ASPH: variants seen among roughly 807,000 people sequenced by gnomAD.
The protein encoded by ASPH is aspartyl/asparaginyl beta-hydroxylase.
Under a neutral mutation model 118.4 loss-of-function variants are expected in ASPH, and 100 were observed. That is an observed-to-expected ratio of 0.84 (90% CI 0.72 to 1.00). The LOEUF is 1.00. ASPH is among the 50% of genes least tolerant of loss of function. The probability of loss-of-function intolerance (pLI) is 0.00; values close to 1 mark genes in which losing one functional copy is unlikely to be tolerated. For synonymous variants in ASPH, 315 were observed against 325.6 expected (o/e 0.97, Z 0.35); for missense variants, 920 against 919.5 (o/e 1.00, Z -0.01).
intron 24 of ASPH, among the ~76,000 whole-genome samples, chr8:61,513,138 C>T (rs960265988): frequency 6.6e-6 from 1 of 152,210 alleles, no homozygotes; most frequent in African/African-American, 2.4e-5. Context: ...GTACAAATTG[C>T]TACAGATAAC....
intron 4 of ASPH, among the ~76,000 whole-genome samples, chr8:61,652,172 G>A (rs144961807): frequency 3.0e-4 from 45 of 152,050 alleles, no homozygotes; most frequent in Admixed American, 6.6e-4. Flanking sequence ...TCTGCCAATC[G>A]CCATCCTCTC....
chr8:61,572,416 T>A (rs1040201686), intron 16 of ASPH, among the ~76,000 whole-genome samples: 1 of 152,210 alleles, frequency 6.6e-6, no homozygotes, highest in Non-Finnish European at 1.5e-5. Flanking sequence ...ACTTGACATG[T>A]CCACCTGAAT....
At position 61,526,095 on chromosome 8, in the gene ASPH, C is replaced by T. The variant is rs749202132; in HGVS notation, c.1782G>A (p.Trp594Ter). The T allele has an allele frequency of 6.2e-7, 1 of 1,613,960 alleles. No homozygotes were observed. The highest frequency in any genetic ancestry group is 8.5e-7 in the Non-Finnish European group (1 of 1,179,884). ...CAAGGCCTTCATCTCGGATTAACTT[C>T]CAGTTTCTTTCTAAAGACTAGAGGG... The part of the protein sequence containing the change: ...TELVKSLERN[W>*]KLIRDEGLAV... Residue 594 changes from tryptophan to a stop codon, truncating the protein, a stop_gained, in exon 22 of 25, where the codon TGG (tryptophan) becomes TGA (stop). Transcript: ENST00000379454. LOFTEE classifies it high-confidence loss of function.
At chr8:61,506,259 G>A (rs1806502100) in intron 24 of ASPH, among the ~76,000 whole-genome samples, 1 of 152,186 alleles carries the variant, frequency 6.6e-6, no homozygotes, top group South Asian at 2.1e-4. Context: ...ACACATCTGA[G>A]GTCCTAGACT....
At chr8:61,626,153 TTCCTTCCCAAAGATCTTGA>T in intron 13 of ASPH, 2 of 1,269,560 alleles carry the variant, frequency 1.6e-6, no homozygotes, top group Non-Finnish European at 2.0e-6. Flanking sequence ...ATCTTTAGTG[TTCCTTCCCAAAGATCTTGA>T]TCTGCTCAGT....
At chr8:61,706,483 GAAGAAAGAAGAAAA>G (rs1305962297) in intron 1 of ASPH, among the ~76,000 whole-genome samples, 3 of 136,172 alleles carry the variant, frequency 2.2e-5, no homozygotes, top group African/African-American at 9.8e-5. Flanking sequence ...GAAGAAGAAA[GAAGAAAGAAGAAAA>G]AAGAAAGAAG....
chr8:61,676,054 A>T lies in ASPH; in HGVS notation c.322+4914T>A, dbSNP rs1343300889. The T allele has an allele frequency of 1.9e-6, 3 of 1,597,782 alleles. No individual in the cohort carries two copies. In the Admixed American group the frequency reaches 5.0e-5, roughly 27 times the overall value. ...TGCTTCAGGTGTTCATTAGCCAATG[A>T]CTTCAGTCCCTGAATCAAGGTTACT... On this transcript the variant is annotated intron_variant, in intron 3 of 24. Transcript: ENST00000379454.
chr8:61,534,380 G>A (rs989038051), intron 21 of ASPH, among the ~76,000 whole-genome samples: 1 of 152,028 alleles, frequency 6.6e-6, no homozygotes, highest in Non-Finnish European at 1.5e-5. Context: ...AATCCTATTA[G>A]CCGGCAAAAC....
intron 12 of ASPH, among the ~76,000 whole-genome samples, chr8:61,635,940 G>A (rs1857535201): frequency 6.6e-6 from 1 of 152,090 alleles, no homozygotes. Flanking sequence ...ATCAGATTAT[G>A]CTATATCTTA....
chr8:61,550,524 G>T (rs1478108727), intron 20 of ASPH, among the ~76,000 whole-genome samples: 1 of 151,560 alleles, frequency 6.6e-6, no homozygotes, highest in African/African-American at 2.4e-5. Context: ...TATGTCAGAT[G>T]ACTGGATCCC....
chr8:61,599,227 A>G (rs1018030535), intron 14 of ASPH, among the ~76,000 whole-genome samples: 2 of 152,188 alleles, frequency 1.3e-5, no homozygotes, highest in Admixed American at 6.5e-5. Flanking sequence ...AGGACAAAAA[A>G]CCAAACAACA....
Position 61,714,112 on chromosome 8 carries a change from T to C in ASPH, c.103+157A>G, listed in dbSNP as rs549459645. Among the ~76,000 whole-genome samples, 459 of 152,176 alleles carry C rather than the reference T, an allele frequency of 3.0e-3. 2 individuals carry two copies. The highest frequency in any genetic ancestry group is 0.011 in the African/African-American group (441 of 41,532). On this transcript the variant is annotated intron_variant, in intron 1 of 24. Transcript: ENST00000379454. ...TCGCCCGCCCGCCAGGCCCGCCGAA[T>C]GCGGCCTCCGCCCCGCGCGCCTAAA...
At chr8:61,532,576 C>T (rs1817981062) in intron 21 of ASPH, among the ~76,000 whole-genome samples, 1 of 152,086 alleles carries the variant, frequency 6.6e-6, no homozygotes. Flanking sequence ...TCTGTGCTTT[C>T]CATGTCATAT....
At chr8:61,668,214 A>C in intron 3 of ASPH, 1 of 1,594,876 alleles carries the variant, frequency 6.3e-7, no homozygotes, top group South Asian at 1.1e-5. Flanking sequence ...CTCAAGGCTA[A>C]TTTGAAAAAA....
rs546525365 is a variant in ASPH, at chr8:61,500,653, A to T, written c.*2706T>A. On this transcript the variant is annotated 3_prime_UTR_variant, in exon 25 of 25. Coordinates refer to ENST00000379454, the MANE Select transcript of ASPH (RefSeq NM_004318.4). ...ATCAGACATAAAATAAACAGACATC[A>T]TATATGATATCCTTACTTGTGCCAT... 2.3e-4 allele frequency: 35 copies of T among 152,338 alleles called. 1 individual carries two copies. Among genetic ancestry groups the T allele is most frequent in the Admixed American group, 1.7e-3 (26 of 15,302 alleles). The allele number at this position is 152,338 out of a possible 1,614,324, so 9.4% of individuals were successfully genotyped here. A position where few individuals can be genotyped will look rare whatever the true frequency, so the allele number is the denominator to read the frequency against.
chr8:61,567,968 G>A (rs1411234612), intron 16 of ASPH, among the ~76,000 whole-genome samples: 1 of 152,156 alleles, frequency 6.6e-6, no homozygotes, highest in African/African-American at 2.4e-5. Flanking sequence ...TTGGGGAGTA[G>A]CATTCTAGGC....
Position 61,567,283 on chromosome 8 carries a change from A to C in ASPH, c.1185T>G (p.Asn395Lys), listed in dbSNP as rs1317845440. Residue 395 changes from asparagine to lysine, a missense_variant, in exon 17 of 25, where the codon AAT becomes AAG. Physicochemically the swap from Asn to Lys is moderately conservative, Grantham distance 94. Transcript: ENST00000379454. The part of the protein sequence containing the change: ...EDDLAEKRRS[N>K]EVLRGAIETY... ...TCTCGATGGCTCCACGTAGCACCTC[A>C]TTACTTCTCCTCTTCTCAGCCAAAT... 4.3e-6 allele frequency: 7 copies of C among 1,613,948 alleles called. No homozygotes were observed. In the South Asian group the frequency reaches 7.7e-5, roughly 18 times the overall value.
chr8:61,590,550 CTGTG>C (rs5891814), intron 14 of ASPH, among the ~76,000 whole-genome samples: 72,164 of 146,610 alleles, frequency 0.49, 20,151 homozygotes, highest in Non-Finnish European at 0.66. Context: ...TAATTTAACT[CTGTG>C]TGTGTGTGTG....
chr8:61,694,791 T>G (rs549162955), intron 1 of ASPH, among the ~76,000 whole-genome samples: 16 of 152,350 alleles, frequency 1.1e-4, no homozygotes, highest in African/African-American at 3.8e-4. Context: ...CACAACCATG[T>G]GTCTACTCAA....
Sources: allele counts gnomAD v4.1 joint callset (sites outside exome capture counted in the v4.1 genomes callset), GRCh38; gene constraint gnomAD v4.1.1; transcripts MANE v1.5; gene names NCBI Gene and HGNC (gene_info 2026-07-23, HGNC 2026-07-21).